The following PLPP1 variants were observed in gnomAD, a reference collection of about 807,000 sequenced individuals.
PLPP1 encodes phospholipid phosphatase 1.
In PLPP1, 24 loss-of-function variants were observed where a neutral mutation model predicts 31.2. The ratio of observed to expected loss-of-function variants is 0.77; its 90% CI spans 0.56 to 1.08. PLPP1 has a LOEUF of 1.08. Ranked by LOEUF, PLPP1 falls within the 50% of genes least tolerant of loss-of-function variation. The pLI, the probability that PLPP1 is intolerant of heterozygous loss-of-function variation, is 0.00. For missense variants in PLPP1, 319 were observed against 342.7 expected (o/e 0.93, Z 0.55); for synonymous variants, 146 against 126.3 (o/e 1.16, Z -1.05).
At position 55,467,883 on chromosome 5, in the gene PLPP1, T is replaced by A. The variant is rs1752338062; in HGVS notation, c.477A>T (p.Arg159Ser). 1 of 1,612,080 alleles carries A rather than the reference T, an allele frequency of 6.2e-7. No homozygotes were observed. Among genetic ancestry groups the A allele is most frequent in the East Asian group, 2.2e-5 (1 of 44,846 alleles). ...EYYICRGNAERVKEGRLSFYS... is the reference protein window; with the variant it reads ...EYYICRGNAESVKEGRLSFYS... ...TTAACACTCACCTGCCTTCCTTAACTCTTTCTGCATTCCCTCGACATATGT... is the reference window on the plus strand; with the variant it reads ...TTAACACTCACCTGCCTTCCTTAACACTTTCTGCATTCCCTCGACATATGT... Residue 159 changes from arginine to serine, a missense_variant, in exon 3 of 6, where the codon AGA (arginine) becomes AGT (serine). By Grantham distance (110) the Arg-to-Ser change is moderately radical. Coordinates refer to ENST00000307259, the MANE Select transcript of PLPP1 (RefSeq NM_003711.4).
At chr5:55,522,919 C>G (rs555072164) in intron 1 of PLPP1, among the ~76,000 whole-genome samples, 1 of 152,078 alleles carries the variant, frequency 6.6e-6, no homozygotes, top group African/African-American at 2.4e-5. Context: ...GGGGTTTCAG[C>G]GTGTTAACCA....
intron 2 of PLPP1, among the ~76,000 whole-genome samples, chr5:55,473,013 A>G (rs1434296414): frequency 3.9e-5 from 6 of 152,208 alleles, no homozygotes; most frequent in African/African-American, 1.4e-4. Flanking sequence ...ATTGAAAGAC[A>G]GGTCTATTTC....
chr5:55,472,764 GAAGAGGAAGAGGAAGAA>G (rs1752449766), intron 2 of PLPP1, among the ~76,000 whole-genome samples: 1 of 148,030 alleles, frequency 6.8e-6, no homozygotes, highest in Non-Finnish European at 1.5e-5. Context: ...AGAGGAAGAA[GAAGAGGAAGAGGAAGAA>G]GAAGAAGAAG....
At chr5:55,497,927 T>C (rs1053631956) in intron 1 of PLPP1, among the ~76,000 whole-genome samples, 11 of 152,050 alleles carry the variant, frequency 7.2e-5, no homozygotes, top group Non-Finnish European at 1.5e-4. Context: ...GTGCTATCCA[T>C]TGTCCAAACC....
rs190597260 is a variant in PLPP1 at position 55,479,787 on chromosome 5, G to A, written c.59-4337C>T. 1.3e-3 allele frequency among the ~76,000 whole-genome samples: 204 copies of A among 152,278 alleles called. 2 individuals are homozygous for A. In the Middle Eastern group the frequency reaches 0.024, roughly 18 times the overall value. On this transcript the variant is annotated intron_variant, in intron 1 of 5. Transcript: ENST00000307259. ...GAATTTCTACTCCTTGAAACCAAGA[G>A]AGACAAAGCAAAATCAACTATAATT...
chr5:55,516,004 C>G (rs750446067), intron 1 of PLPP1, among the ~76,000 whole-genome samples: 5 of 152,140 alleles, frequency 3.3e-5, no homozygotes, highest in Non-Finnish European at 7.3e-5. Context: ...ATCTCCTCCC[C>G]ATCCCCCTTC....
At chr5:55,440,613 T>A (rs1751600939) in intron 4 of PLPP1, among the ~76,000 whole-genome samples, 1 of 152,150 alleles carries the variant, frequency 6.6e-6, no homozygotes, top group South Asian at 2.1e-4. Context: ...CTTCACAAAA[T>A]TTAATTAATG....
At chr5:55,530,448 G>A in intron 1 of PLPP1, 2 of 1,254,992 alleles carry the variant, frequency 1.6e-6, no homozygotes, top group Non-Finnish European at 2.3e-6. Flanking sequence ...AGAAGAACTT[G>A]TATTCTCTTG....
chr5:55,510,596 T>G (rs1287379679), intron 1 of PLPP1, among the ~76,000 whole-genome samples: 2 of 152,168 alleles, frequency 1.3e-5, no homozygotes, highest in African/African-American at 4.8e-5. Flanking sequence ...TCCTCATACC[T>G]ATTTCAAACC....
At position 55,500,062 on chromosome 5, in the gene PLPP1, T is replaced by C. The variant is rs571438523; in HGVS notation, c.59-24612A>G. The stretch of plus-strand genomic sequence containing the variant: ...GTAAAAACATCATATATGGTATAAT[T>C]TGATTTCTCTAAAAATTTTTTTTTT... On this transcript the variant is annotated intron_variant, in intron 1 of 5. Transcript: ENST00000307259. Among the ~76,000 whole-genome samples, 272 of 148,006 alleles carry C rather than the reference T, an allele frequency of 1.8e-3. 2 individuals are homozygous for C. Among genetic ancestry groups the C allele is most frequent in the African/African-American group, 5.1e-3 (205 of 40,466 alleles).
intron 1 of PLPP1, among the ~76,000 whole-genome samples, chr5:55,526,366 A>G (rs996506965): frequency 6.6e-5 from 10 of 152,344 alleles, no homozygotes; most frequent in African/African-American, 2.4e-4. Flanking sequence ...AATTTAAGCT[A>G]AAACTCAGCT....
intron 1 of PLPP1, 132 bp downstream of exon 1, chr5:55,534,440 A>C (rs1740804148): frequency 2.1e-6 from 2 of 972,420 alleles, no homozygotes; most frequent in South Asian, 4.0e-5. Flanking sequence ...CGGCTGCAGA[A>C]GCCGCCCCCG....
At chr5:55,500,645 G>A (rs1753120885) in intron 1 of PLPP1, among the ~76,000 whole-genome samples, 2 of 55,198 alleles carry the variant, frequency 3.6e-5, no homozygotes, top group Non-Finnish European at 6.2e-5. Context: ...GTGGGTAGCA[G>A]GGAGACACAC....
rs534954819 is a variant in PLPP1, at chr5:55,485,626, TA to T, written c.59-10177del. On this transcript the variant is annotated intron_variant, in intron 1 of 5. Transcript: ENST00000307259. ...AACAGAAAAATTTCTAATGGGTTTT[TA>T]AAAAATAAAAATAGGCTTCCTTATT... Among the ~76,000 whole-genome samples the T allele has an allele frequency of 6.7e-3, 1,019 of 152,112 alleles. 9 individuals carry two copies. Among genetic ancestry groups the T allele is most frequent in the African/African-American group, 0.022 (930 of 41,498 alleles).
intron 3 of PLPP1, among the ~76,000 whole-genome samples, chr5:55,461,917 C>G (rs1279944458): frequency 6.6e-6 from 1 of 151,884 alleles, no homozygotes; most frequent in Non-Finnish European, 1.5e-5. Flanking sequence ...CTTCTACACA[C>G]TCAAAACAAT....
intron 1 of PLPP1, among the ~76,000 whole-genome samples, chr5:55,501,752 C>A (rs1037825887): frequency 3.9e-5 from 6 of 152,210 alleles, no homozygotes; most frequent in East Asian, 1.9e-4. Flanking sequence ...GATCCACCCC[C>A]CTCAGCCTCC....
intron 1 of PLPP1, among the ~76,000 whole-genome samples, chr5:55,527,177 T>C (rs547918814): frequency 1.2e-3 from 185 of 152,158 alleles, no homozygotes; most frequent in African/African-American, 4.4e-3. Flanking sequence ...ACTTGTTTTT[T>C]CCCCCTTTGA....
In PLPP1 at chr5:55,534,958, C is replaced by G. The variant is rs1050662245; in HGVS notation, c.-329G>C. On this transcript the variant is annotated 5_prime_UTR_variant, in exon 1 of 6. Transcript: ENST00000307259. ...TGCTCCCCGTCCGGATCCCGGCGCT[C>G]TCTCCCACAGGCGGGGCGTCCAGAC... is the stretch of plus-strand genomic sequence containing the variant. 8 of 356,928 alleles carry G rather than the reference C, an allele frequency of 2.2e-5. No homozygotes were observed. Among genetic ancestry groups the G allele is most frequent in the Non-Finnish European group, 4.1e-5 (8 of 196,128 alleles). The allele number at this position is 356,928 out of a possible 1,614,324, so 22.1% of individuals were successfully genotyped here.
chr5:55,520,195 T>A (rs1278924147), intron 1 of PLPP1, among the ~76,000 whole-genome samples: 1 of 152,226 alleles, frequency 6.6e-6, no homozygotes, highest in Non-Finnish European at 1.5e-5. Flanking sequence ...GTGGGAATAC[T>A]GTTCACCTAG....
Sources: gnomAD v4.1 joint callset for allele counts (sites outside exome capture counted in the v4.1 genomes callset) on GRCh38, gnomAD v4.1.1 for gene constraint, MANE v1.5 for transcripts, NCBI Gene and HGNC (gene_info 2026-07-23, HGNC 2026-07-21) for gene names.